Variants in NAV3 observed in about 807,000 individuals in gnomAD.
The protein encoded by NAV3 is pore membrane and/or filament interacting like protein 1.
A neutral mutation model predicts 244.7 loss-of-function variants in NAV3; 87 were observed. That is an observed-to-expected ratio of 0.36 (90% CI 0.30 to 0.42). NAV3 has a LOEUF of 0.42. Among genes scored for constraint, NAV3 ranks in the 20% least tolerant of loss-of-function variants. The pLI is 1.00. For missense variants in NAV3, 2,663 were observed against 2,893.3 expected (o/e 0.92, Z 1.83); for synonymous variants, 1,126 against 1,042.2 (o/e 1.08, Z -1.55).
chr12:78,169,659 A>G (rs1187712638), intron 24 of NAV3, among the ~76,000 whole-genome samples: 7 of 151,724 alleles, frequency 4.6e-5, no homozygotes, highest in Non-Finnish European at 8.8e-5. Context: ...GAAAAATTTT[A>G]TGAAGTCTTT....
chr12:78,029,720 T>G (rs1245899330), intron 9 of NAV3, among the ~76,000 whole-genome samples: 2 of 152,242 alleles, frequency 1.3e-5, no homozygotes. Flanking sequence ...TGCTGTTGTT[T>G]CATAGCTGAT....
chr12:77,609,400 T>A (rs1358111199), intron 2 of NAV3, among the ~76,000 whole-genome samples: 1 of 152,066 alleles, frequency 6.6e-6, no homozygotes, highest in Admixed American at 6.6e-5. Context: ...TTAAGAGACA[T>A]CAAATGTGGA....
intron 2 of NAV3, among the ~76,000 whole-genome samples, chr12:77,764,752 A>C (rs1475754886): frequency 6.6e-6 from 1 of 152,268 alleles, no homozygotes; most frequent in African/African-American, 2.4e-5. Context: ...ATGCTTGTGA[A>C]TTAGCTAAGA....
At chr12:78,167,879 C>A (rs1302043098) in intron 23 of NAV3, among the ~76,000 whole-genome samples, 1 of 151,236 alleles carries the variant, frequency 6.6e-6, no homozygotes, top group African/African-American at 2.4e-5. Flanking sequence ...TTCTTTCTAT[C>A]TTTTTTTGAG....
At chr12:77,855,209 A>G (rs894390360) in intron 1 of NAV3, among the ~76,000 whole-genome samples, 2 of 152,224 alleles carry the variant, frequency 1.3e-5, no homozygotes, top group African/African-American at 4.8e-5. Context: ...TGATCTTTTA[A>G]TCAACATTTA....
At chr12:77,870,162 C>G (rs566392845) in intron 1 of NAV3, among the ~76,000 whole-genome samples, 14 of 151,836 alleles carry the variant, frequency 9.2e-5, no homozygotes, top group Non-Finnish European at 1.5e-5. Context: ...GCCAAGAGAT[C>G]GAGACCATCC....
intron 1 of NAV3, among the ~76,000 whole-genome samples, chr12:77,881,813 A>G (rs1882685640): frequency 1.3e-5 from 2 of 152,090 alleles, no homozygotes; most frequent in African/African-American, 2.4e-5. Context: ...CAAGCACACA[A>G]TGCCACTTAC....
intron 2 of NAV3, among the ~76,000 whole-genome samples, chr12:77,620,517 C>T (rs1349820757): frequency 6.6e-6 from 1 of 151,558 alleles, no homozygotes; most frequent in Non-Finnish European, 1.5e-5. Flanking sequence ...GGCTGGAGTG[C>T]AGTGGTGCGA....
At chr12:77,670,347 C>T (rs1423547593) in intron 2 of NAV3, among the ~76,000 whole-genome samples, 1 of 152,082 alleles carries the variant, frequency 6.6e-6, no homozygotes, top group Non-Finnish European at 1.5e-5. Flanking sequence ...GGATTTACAG[C>T]TGAATTCTAT....
chr12:77,874,550 T>A (rs985130081), intron 1 of NAV3, among the ~76,000 whole-genome samples: 1 of 151,884 alleles, frequency 6.6e-6, no homozygotes, highest in Non-Finnish European at 1.5e-5. Flanking sequence ...TTCATAGATT[T>A]AAAAAAAATC....
intron 2 of NAV3, among the ~76,000 whole-genome samples, chr12:77,699,385 T>G (rs558920275): frequency 1.3e-3 from 200 of 152,278 alleles, no homozygotes; most frequent in Admixed American, 2.3e-3. Context: ...TAATATCAAT[T>G]GCTGCAAAAC....
chr12:77,807,981 G>A (rs1264186301), intron 2 of NAV3, among the ~76,000 whole-genome samples: 1 of 152,030 alleles, frequency 6.6e-6, no homozygotes, highest in East Asian at 1.9e-4. Context: ...ATTGATACAT[G>A]TATATGCTTC....
At chr12:77,579,703 G>A (rs1039516249) in intron 2 of NAV3, among the ~76,000 whole-genome samples, 2 of 152,152 alleles carry the variant, frequency 1.3e-5, no homozygotes, top group African/African-American at 4.8e-5. Flanking sequence ...AACAACCACT[G>A]CCTCCTAATA....
At position 78,204,920 on chromosome 12, in the gene NAV3, G is replaced by T; in HGVS notation, c.6835-15G>T. On this transcript the variant is annotated splice_polypyrimidine_tract_variant and intron_variant, in intron 38 of 39. Transcript: ENST00000397909. The stretch of plus-strand genomic sequence containing the variant: ...TGCATTTTATATATATCCTAAACGC[G>T]TGGTCAACTTTTAGATGTATGGGAA... 4 of 1,612,148 alleles carry T rather than the reference G, an allele frequency of 2.5e-6. No homozygotes were observed. The highest frequency in any genetic ancestry group is 3.4e-6 in the Non-Finnish European group (4 of 1,178,864).
chr12:77,790,623 A>C (rs1448192094), intron 2 of NAV3, among the ~76,000 whole-genome samples: 1 of 152,134 alleles, frequency 6.6e-6, no homozygotes, highest in African/African-American at 2.4e-5. Flanking sequence ...ACCCTAGTTT[A>C]CTAGGACTTC....
intron 2 of NAV3, among the ~76,000 whole-genome samples, chr12:77,635,850 CAAAAT>C (rs1872130949): frequency 6.6e-6 from 1 of 151,976 alleles, no homozygotes; most frequent in Non-Finnish European, 1.5e-5. Context: ...CTCTGTGAAA[CAAAAT>C]AAACTTCCCA....
In NAV3 at chr12:77,839,036, C is replaced by T. The variant is rs117017797; in HGVS notation, c.243+7332C>T. 3.7e-4 allele frequency among the ~76,000 whole-genome samples: 56 copies of T among 152,234 alleles called. No homozygotes were observed. The East Asian group carries it at 0.011, about 29-fold the overall frequency. ...GCATCATTGGACCAAGATGTTTCAG[C>T]CTTGGCACCAGCGACATTTAGAACT... On this transcript the variant is annotated intron_variant, in intron 1 of 39. Transcript: ENST00000397909.
At chr12:77,882,139 A>G (rs904416206) in intron 1 of NAV3, among the ~76,000 whole-genome samples, 3 of 152,206 alleles carry the variant, frequency 2.0e-5, no homozygotes, top group African/African-American at 7.2e-5. Flanking sequence ...CACGAAAAGA[A>G]CAAAGCAGAA....
chr12:77,876,987 A>G (rs1881930553), intron 1 of NAV3, among the ~76,000 whole-genome samples: 1 of 152,150 alleles, frequency 6.6e-6, no homozygotes, highest in Admixed American at 6.5e-5. Flanking sequence ...TCTTAATTTT[A>G]AGTGTAAGAA....
Sources: gnomAD v4.1 joint callset for allele counts (sites outside exome capture counted in the v4.1 genomes callset) on GRCh38, gnomAD v4.1.1 for gene constraint, MANE v1.5 for transcripts, NCBI Gene and HGNC (gene_info 2026-07-23, HGNC 2026-07-21) for gene names.